UBE3A: variants seen among roughly 807,000 people sequenced by gnomAD.
UBE3A encodes the protein ubiquitin-protein ligase E3A.
A neutral mutation model predicts 83.4 loss-of-function variants in UBE3A; 6 were observed. That is an observed-to-expected ratio of 0.07 (90% CI 0.04 to 0.14). UBE3A has a LOEUF of 0.14. UBE3A is among the 10% of genes least tolerant of loss of function. The pLI is 1.00. For synonymous variants in UBE3A, 337 were observed against 355.4 expected (o/e 0.95, Z 0.58); for missense variants, 456 against 1,036.1 (o/e 0.44, Z 7.69).
At chr15:25,433,951 T>C (rs1894246987) in intron 1 of UBE3A, among the ~76,000 whole-genome samples, 1 of 152,088 alleles carries the variant, frequency 6.6e-6, no homozygotes. Flanking sequence ...CATATGCTAA[T>C]CCCACCTACT....
intron 1 of UBE3A, among the ~76,000 whole-genome samples, chr15:25,432,135 G>T (rs1385734092): frequency 6.6e-6 from 1 of 152,182 alleles, no homozygotes; most frequent in South Asian, 2.1e-4. Context: ...AATCATCTGA[G>T]AAGAAAATAA....
Position 25,423,175 on chromosome 15 carries a change from G to GAT in UBE3A, c.-164-11206_-164-11205dup, listed in dbSNP as rs1890332891. On this transcript the variant is annotated intron_variant, in intron 1 of 12. Coordinates refer to ENST00000648336, the MANE Select transcript of UBE3A (RefSeq NM_130839.5). Reference sequence around the variant, plus strand: ...TGCAAATTATAATAAAGAATTAAATGATATATAAAGAATGCTTACAAATTT... The same window carrying GAT: ...TGCAAATTATAATAAAGAATTAAATGATATATATAAAGAATGCTTACAAATTT... Among the ~76,000 whole-genome samples, 3 of 151,944 alleles carry GAT rather than the reference G, an allele frequency of 2.0e-5. No individual in the cohort carries two copies. In the South Asian group the frequency reaches 6.2e-4, roughly 32 times the overall value.
intron 6 of UBE3A, among the ~76,000 whole-genome samples, chr15:25,362,024 T>G (rs1258148157): frequency 6.6e-6 from 1 of 152,224 alleles, no homozygotes; most frequent in Non-Finnish European, 1.5e-5. Flanking sequence ...TAGTGGGTAG[T>G]CTAATCCATT....
intron 1 of UBE3A, among the ~76,000 whole-genome samples, chr15:25,433,929 C>T (rs933397962): frequency 1.1e-4 from 16 of 152,042 alleles, no homozygotes; most frequent in African/African-American, 3.9e-4. Flanking sequence ...AAAAATTAGC[C>T]AGGCATGGTG....
At chr15:25,384,542 CAAGTTT>C (rs2152918709) in intron 4 of UBE3A, among the ~76,000 whole-genome samples, 1 of 151,670 alleles carries the variant, frequency 6.6e-6, no homozygotes, top group South Asian at 2.1e-4. Flanking sequence ...GAAAGACATC[CAAGTTT>C]ATGAATTGGA....
At chr15:25,349,863 G>T (rs1490914098) in intron 11 of UBE3A, among the ~76,000 whole-genome samples, 1 of 152,148 alleles carries the variant, frequency 6.6e-6, no homozygotes, top group Non-Finnish European at 1.5e-5. Flanking sequence ...ACTAAAAGTG[G>T]TGGGTAGTCT....
At chr15:25,339,971 AT>A in intron 12 of UBE3A, 113 bp downstream of exon 12, 1 of 1,367,720 alleles carries the variant, frequency 7.3e-7, no homozygotes, top group South Asian at 1.2e-5. Context: ...TGATTTGGGG[AT>A]TTGTATATAA....
chr15:25,371,667 T>G lies in UBE3A; in HGVS notation c.507A>C (p.Gln169His). 6.2e-7 allele frequency: 1 copy of G among 1,614,136 alleles called. No homozygotes were observed. The highest frequency in any genetic ancestry group is 8.5e-7 in the Non-Finnish European group (1 of 1,180,012). ...ALVQSFRKVK[Q>H]HTKEELKSLQ... is the part of the protein sequence containing the mutation. ...GAGATTTCAGTTCTTCCTTGGTGTG[T>G]TGTTTAACTTTCCGGAAGCTCTGTA... The change falls in exon 6 of 13, where the codon CAA (glutamine) becomes CAC (histidine). Residue 169 changes from glutamine to histidine, a missense_variant. Physicochemically the swap from Gln to His is conservative, Grantham distance 24. Coordinates refer to ENST00000648336, the MANE Select transcript of UBE3A (RefSeq NM_130839.5). This position sits in a 1 kb window ranked among gnomAD's most constrained non-coding sequence, Gnocchi z 5.3.
At chr15:25,436,407 T>G (rs1895096604) in intron 1 of UBE3A, among the ~76,000 whole-genome samples, 1 of 152,202 alleles carries the variant, frequency 6.6e-6, no homozygotes, top group Non-Finnish European at 1.5e-5. Context: ...CTAGCAGTCA[T>G]TTAAGAAAAT....
intron 4 of UBE3A, among the ~76,000 whole-genome samples, chr15:25,393,481 T>C (rs184986333): frequency 6.6e-6 from 1 of 152,344 alleles, no homozygotes. Context: ...TTTATTTTTG[T>C]TAATCTCTTT....
intron 1 of UBE3A, among the ~76,000 whole-genome samples, chr15:25,425,062 G>T (rs933975559): frequency 1.3e-5 from 2 of 151,944 alleles, no homozygotes; most frequent in African/African-American, 4.8e-5. Flanking sequence ...TTTTGAAAAA[G>T]AATAAGTTAG....
At chr15:25,437,198 G>A (rs1895357773) in intron 1 of UBE3A, among the ~76,000 whole-genome samples, 1 of 152,062 alleles carries the variant, frequency 6.6e-6, no homozygotes, top group Admixed American at 6.6e-5. Flanking sequence ...AAGTAGCTTG[G>A]ATTTAAAAAC....
Position 25,409,251 on chromosome 15 carries a change from A to T in UBE3A, c.-100-44T>A, listed in dbSNP as rs539461103. 67 of 614,506 alleles carry T rather than the reference A, an allele frequency of 1.1e-4. No individual in the cohort carries two copies. The African/African-American group carries it at 1.2e-3, about 11-fold the overall frequency. The allele number at this position is 614,506 out of a possible 1,614,324, so 38.1% of individuals were successfully genotyped here. A position where few individuals can be genotyped will look rare whatever the true frequency, so the allele number is the denominator to read the frequency against. ...CTTTGGTTAGAACACTTTAATATAT[A>T]AACCCAATTCATTGTTCAAAAAATA... On this transcript the variant is annotated intron_variant, in intron 2 of 12. Coordinates refer to ENST00000648336, the MANE Select transcript of UBE3A (RefSeq NM_130839.5).
intron 11 of UBE3A, among the ~76,000 whole-genome samples, chr15:25,342,054 A>C (rs868774461): frequency 2.2e-4 from 33 of 152,296 alleles, no homozygotes; most frequent in Admixed American, 1.5e-3. Context: ...AAAAAGAAAC[A>C]CACAACAACA....
At chr15:25,421,430 ACATT>A (rs1221254139) in intron 1 of UBE3A, among the ~76,000 whole-genome samples, 2 of 152,230 alleles carry the variant, frequency 1.3e-5, no homozygotes, top group East Asian at 3.8e-4. Context: ...TAACGCAAGG[ACATT>A]ATTATTATTA....
intron 1 of UBE3A, among the ~76,000 whole-genome samples, chr15:25,414,982 T>A (rs2090612696): frequency 6.6e-6 from 1 of 152,146 alleles, no homozygotes; most frequent in Non-Finnish European, 1.5e-5. Flanking sequence ...AGAGAAAATT[T>A]TTCTCTTAGG....
intron 7 of UBE3A, among the ~76,000 whole-genome samples, chr15:25,358,716 T>C (rs893015666): frequency 7.9e-5 from 12 of 152,218 alleles, no homozygotes. Flanking sequence ...CTTTAACATG[T>C]TTCCTTGATC....
chr15:25,350,787 G>C (rs1033328726), intron 11 of UBE3A, among the ~76,000 whole-genome samples: 24 of 152,254 alleles, frequency 1.6e-4, no homozygotes, highest in Admixed American at 1.3e-3. Context: ...CAATAACATG[G>C]ATGAATCTAA....
chr15:25,350,253 G>T (rs1384016054), intron 11 of UBE3A, among the ~76,000 whole-genome samples: 1 of 151,520 alleles, frequency 6.6e-6, no homozygotes, highest in African/African-American at 2.4e-5. Flanking sequence ...ACAATCTGTA[G>T]TCATGCTACT....
Sources: gnomAD v4.1 joint callset for allele counts (sites outside exome capture counted in the v4.1 genomes callset) on GRCh38, gnomAD v4.1.1 for gene constraint, Gnocchi (gnomAD v3.1) non-coding constraint, MANE v1.5 for transcripts, NCBI Gene and HGNC (gene_info 2026-07-23, HGNC 2026-07-21) for gene names.